PPM1B: variants seen among roughly 807,000 people sequenced by gnomAD.
PPM1B encodes protein phosphatase 1B.
PPM1B carries 22 observed loss-of-function variants against 43.0 expected under a neutral mutation model. The observed-to-expected ratio is 0.51, with a 90% CI of 0.37 to 0.73. The LOEUF (loss-of-function observed/expected upper bound fraction) is 0.73. Among genes scored for constraint, PPM1B ranks in the 30% least tolerant of loss-of-function variants. The pLI, the probability that PPM1B is intolerant of heterozygous loss-of-function variation, is 0.00. For synonymous variants in PPM1B, 217 were observed against 197.9 expected, an observed-to-expected ratio of 1.10 and a Z score of -0.81; for missense variants, 632 against 584.2, an observed-to-expected ratio of 1.08 and a Z score of -0.84.
intron 3 of PPM1B, among the ~76,000 whole-genome samples, chr2:44,215,510 C>A (rs1186639353): frequency 6.6e-6 from 1 of 151,688 alleles, no homozygotes; most frequent in Non-Finnish European, 1.5e-5. Flanking sequence ...TCTTCAGGAG[C>A]ATTATGTTTC....
chr2:44,172,033 A>G (rs2103985905), intron 1 of PPM1B, among the ~76,000 whole-genome samples: 1 of 152,320 alleles, frequency 6.6e-6, no homozygotes, highest in South Asian at 2.1e-4. Flanking sequence ...AAAAATTAGC[A>G]AACAAATAAC....
chr2:44,190,711 A>G (rs1311406861), intron 1 of PPM1B, among the ~76,000 whole-genome samples: 1 of 152,222 alleles, frequency 6.6e-6, no homozygotes, highest in African/African-American at 2.4e-5. Flanking sequence ...TTGGCTAAAC[A>G]GTTTCTGTTC....
At chr2:44,227,946 G>T (rs1670294979) in intron 5 of PPM1B, among the ~76,000 whole-genome samples, 4 of 108,452 alleles carry the variant, frequency 3.7e-5, no homozygotes, top group Non-Finnish European at 7.1e-5. Flanking sequence ...TTTTGAGATA[G>T]AGTCTCACTT....
chr2:44,243,464 A>G (rs1160854034), intron 5 of PPM1B, among the ~76,000 whole-genome samples: 1 of 152,170 alleles, frequency 6.6e-6, no homozygotes, highest in African/African-American at 2.4e-5. Context: ...AATTTTTTAT[A>G]TCCTAAGTAA....
intron 1 of PPM1B, among the ~76,000 whole-genome samples, chr2:44,178,458 A>G (rs1407419177): frequency 9.5e-6 from 1 of 105,074 alleles, no homozygotes; most frequent in African/African-American, 3.6e-5. Flanking sequence ...ATATGTATAT[A>G]TATATATATA....
At chr2:44,196,719 T>G (rs888173101) in intron 1 of PPM1B, among the ~76,000 whole-genome samples, 9 of 152,222 alleles carry the variant, frequency 5.9e-5, no homozygotes, top group Non-Finnish European at 1.0e-4. Flanking sequence ...CATGAATGTT[T>G]GTACTATGGG....
At chr2:44,220,586 G>C (rs1558424880) in intron 5 of PPM1B, among the ~76,000 whole-genome samples, 3 of 152,206 alleles carry the variant, frequency 2.0e-5, no homozygotes, top group Non-Finnish European at 4.4e-5. Context: ...GTGTTGTATA[G>C]TGGATTCACA....
chr2:44,209,152 T>G, intron 2 of PPM1B, 58 bp from the exon 3 acceptor site: 1 of 1,380,816 alleles, frequency 7.2e-7, no homozygotes, highest in Non-Finnish European at 9.8e-7. Flanking sequence ...TATTTTGAAG[T>G]AAATAATAGT....
In PPM1B at chr2:44,217,961, C is replaced by A. The variant is rs1343058176; in HGVS notation, c.965-6C>A. ...AATTTAGGAACTTTTTTTAAAAAAC[C>A]TACAGAGATTATGGAGAAGTCTGGC... is the stretch of plus-strand genomic sequence containing the variant. On this transcript the variant is annotated splice_polypyrimidine_tract_variant and splice_region_variant and intron_variant, in intron 3 of 5. Transcript: ENST00000282412. 3 of 1,574,850 alleles carry A rather than the reference C, an allele frequency of 1.9e-6. No homozygotes were observed. Among genetic ancestry groups the A allele is most frequent in the Non-Finnish European group, 2.6e-6 (3 of 1,164,362 alleles).
At chr2:44,232,428 A>C (rs1334320449), downstream of PPM1B, 1 of 1,579,084 alleles carries the variant, frequency 6.3e-7, no homozygotes, top group African/African-American at 1.4e-5. Context: ...ATACAAGGGG[A>C]AAATATTCTT....
intron 5 of PPM1B, among the ~76,000 whole-genome samples, chr2:44,223,842 A>AG (rs1249637536): frequency 2.4e-5 from 3 of 122,806 alleles, no homozygotes; most frequent in Non-Finnish European, 5.0e-5. Context: ...AAAAAAAAAA[A>AG]AAGAGAGAGA....
At chr2:44,187,453 T>A (rs1668178118) in intron 1 of PPM1B, among the ~76,000 whole-genome samples, 1 of 152,156 alleles carries the variant, frequency 6.6e-6, no homozygotes, top group Admixed American at 6.5e-5. Flanking sequence ...CATTGCTGGA[T>A]CATATGGTTG....
At chr2:44,184,490 C>T (rs1256811037) in intron 1 of PPM1B, among the ~76,000 whole-genome samples, 1 of 152,058 alleles carries the variant, frequency 6.6e-6, no homozygotes, top group Admixed American at 6.6e-5. Flanking sequence ...TTACTCTGTT[C>T]TCAAGGGGTT....
In PPM1B at chr2:44,218,538, G is replaced by A; in HGVS notation, c.1134+1G>A. 2 of 1,573,318 alleles carry A rather than the reference G, an allele frequency of 1.3e-6. No individual in the cohort carries two copies. The highest frequency in any genetic ancestry group is 1.7e-6 in the Non-Finnish European group (2 of 1,160,508). On this transcript the variant is annotated splice_donor_variant, in intron 5 of 5. Coordinates refer to ENST00000282412, the MANE Select transcript of PPM1B (RefSeq NM_002706.6). LOFTEE classifies it high-confidence loss of function. ...GAATCCACATAGAGAAAGTGATGGGGTAAGTTTTATTTTATTTCATAAGCA... is the reference window on the plus strand; with the variant it reads ...GAATCCACATAGAGAAAGTGATGGGATAAGTTTTATTTTATTTCATAAGCA...
intron 5 of PPM1B, among the ~76,000 whole-genome samples, chr2:44,243,201 C>T (rs1444941149): frequency 6.6e-6 from 1 of 152,198 alleles, no homozygotes; most frequent in African/African-American, 2.4e-5. Flanking sequence ...GGCTAAGATG[C>T]TCAGAGCTGA....
In PPM1B at chr2:44,222,253, G is replaced by A. The variant is rs1456903907; in HGVS notation, c.1134+3716G>A. Among the ~76,000 whole-genome samples the A allele has an allele frequency of 3.3e-5, 5 of 151,990 alleles. No homozygotes were observed. The East Asian group carries it at 7.7e-4, about 24-fold the overall frequency. ...TAGTCCAAGCACAATCCTGGCATAC[G>A]GTGAAAGCTCAGTAAATATTTTTTG... is the stretch of plus-strand genomic sequence containing the variant. On this transcript the variant is annotated intron_variant, in intron 5 of 5. Transcript: ENST00000282412.
downstream of PPM1B, among the ~76,000 whole-genome samples, chr2:44,244,660 C>T (rs2104298914): frequency 6.6e-6 from 1 of 151,982 alleles, no homozygotes; most frequent in African/African-American, 2.4e-5. Flanking sequence ...TTATCATTCC[C>T]AGATCTCTTC....
At chr2:44,220,100 T>G (rs1669904632) in intron 5 of PPM1B, among the ~76,000 whole-genome samples, 1 of 152,116 alleles carries the variant, frequency 6.6e-6, no homozygotes, top group African/African-American at 2.4e-5. Context: ...GAAGAGAATC[T>G]TAACTCTTCA....
intron 1 of PPM1B, among the ~76,000 whole-genome samples, chr2:44,177,438 G>C (rs890000788): frequency 6.8e-5 from 4 of 59,096 alleles, no homozygotes; most frequent in Non-Finnish European, 1.4e-4. Flanking sequence ...TTTTTTTTGA[G>C]ACGGAGTTTT....
Sources: gnomAD v4.1 joint callset for allele counts (sites outside exome capture counted in the v4.1 genomes callset) on GRCh38, gnomAD v4.1.1 for gene constraint, MANE v1.5 for transcripts, NCBI Gene and HGNC (gene_info 2026-07-23, HGNC 2026-07-21) for gene names.